Variants in TRIT1 observed in about 807,000 individuals in gnomAD.
TRIT1 encodes tRNA dimethylallyltransferase.
A neutral mutation model predicts 51.2 loss-of-function variants in TRIT1; 43 were observed. That is an observed-to-expected ratio of 0.84 (90% CI 0.66 to 1.08). The LOEUF is 1.08. TRIT1 is among the 50% of genes least tolerant of loss of function. TRIT1 has a pLI of 0.00. For synonymous variants in TRIT1, 184 were observed against 203.9 expected (o/e 0.90, Z 0.83); for missense variants, 528 against 578.4 (o/e 0.91, Z 0.89).
At position 39,848,079 on chromosome 1, in the gene TRIT1, T is replaced by A; in HGVS notation, c.722A>T (p.Asp241Val). Reference protein sequence around the residue: ...ADQAVLDERLDKRVDDMLAAG... With the variant: ...ADQAVLDERLVKRVDDMLAAG... ...AGCAAGCATGTCATCCACCCTCTTA[T>A]CCAAGCGCTCATCTAGAACTTGAAT... Residue 241 changes from aspartate (D) to valine (V), a missense_variant, in exon 6 of 11, where the codon GAT becomes GTT. Transcript: ENST00000316891. 1 of 1,614,130 alleles carries A rather than the reference T, an allele frequency of 6.2e-7. No homozygotes were observed. Among genetic ancestry groups the A allele is most frequent in the South Asian group, 1.1e-5 (1 of 91,086 alleles).
chr1:39,874,945 G>A (rs911287870), intron 1 of TRIT1, among the ~76,000 whole-genome samples: 3 of 151,848 alleles, frequency 2.0e-5, no homozygotes, highest in Non-Finnish European at 2.9e-5. Context: ...TGGAATTATA[G>A]GCGTGAGCCA....
intron 4 of TRIT1, among the ~76,000 whole-genome samples, chr1:39,851,623 G>A (rs1014535136): frequency 5.3e-5 from 8 of 152,034 alleles, no homozygotes; most frequent in South Asian, 2.1e-4. Context: ...CCCCCCTGCC[G>A]TGCAAAGGAC....
chr1:39,846,140 G>C (rs1642209371), intron 8 of TRIT1, among the ~76,000 whole-genome samples: 1 of 152,232 alleles, frequency 6.6e-6, no homozygotes, highest in African/African-American at 2.4e-5. Flanking sequence ...GAGAAAACAG[G>C]ATAAGTAGAG....
In TRIT1 at chr1:39,876,560, A is replaced by ATCTATCTATC. The variant is rs1557585424; in HGVS notation, c.174+6757_174+6758insGATAGATAGA. Among the ~76,000 whole-genome samples, 31 of 117,948 alleles carry ATCTATCTATC rather than the reference A, an allele frequency of 2.6e-4. 1 individual carries two copies. Among genetic ancestry groups the ATCTATCTATC allele is most frequent in the South Asian group, 1.2e-3 (4 of 3,442 alleles). 77.4% of individuals were successfully genotyped at this position (117,948 alleles called of 152,430 possible). ...TCTATCTATCTATCTATCTATCTAT[A>ATCTATCTATC]TATATATATGAATGATGAGTCGAAA... is the stretch of plus-strand genomic sequence containing the variant. On this transcript the variant is annotated intron_variant, in intron 1 of 10. Transcript: ENST00000316891.
Position 39,847,278 on chromosome 1 carries a change from T to C in TRIT1, c.948A>G (p.Gln316=), listed in dbSNP as rs778135294. The C allele has an allele frequency of 5.6e-6, 9 of 1,614,090 alleles. No homozygotes were observed. The highest frequency in any genetic ancestry group is 3.3e-5 in the South Asian group (3 of 91,090). The change falls in exon 8 of 11, where the codon CAA becomes CAG. Residue 316 remains glutamine (Q), a synonymous_variant. Transcript: ENST00000316891. ...GTTTCCGGGCATATCTCTTAGTTAC[T>C]TGTTTCAGAGCCTCAATACCTGAAA... ...LLKKGIEALK[Q]VTKRYARKQN... is the part of the protein sequence containing the mutation.
intron 2 of TRIT1, 83 bp downstream of exon 2, chr1:39,857,192 GAA>G: frequency 3.4e-6 from 5 of 1,482,346 alleles, no homozygotes; most frequent in Non-Finnish European, 3.6e-6. Context: ...CTTCTGAGAA[GAA>G]ATTGCCACTA....
chr1:39,858,492 T>G (rs575547336), intron 1 of TRIT1, among the ~76,000 whole-genome samples: 1 of 152,354 alleles, frequency 6.6e-6, no homozygotes, highest in South Asian at 2.1e-4. Context: ...AATGAGTTAC[T>G]ACTAAAAAGC....
chr1:39,871,908 A>T (rs56342108), intron 1 of TRIT1, among the ~76,000 whole-genome samples: 24,770 of 152,036 alleles, frequency 0.16, 2,271 homozygotes, highest in Non-Finnish European at 0.22. Context: ...AAAAATTTTT[A>T]AAAATGTTTT....
intron 1 of TRIT1, among the ~76,000 whole-genome samples, chr1:39,878,767 T>A (rs1362787291): frequency 1.3e-5 from 2 of 152,218 alleles, no homozygotes; most frequent in Non-Finnish European, 2.9e-5. Flanking sequence ...CTGTCTTTGA[T>A]ACGAACTTGA....
At chr1:39,846,905 C>T (rs1376447148) in intron 8 of TRIT1, 2 of 233,144 alleles carry the variant, frequency 8.6e-6, no homozygotes, top group African/African-American at 2.3e-5. Flanking sequence ...TCTTCAGGTA[C>T]AAAACTGAAG....
At chr1:39,874,729 G>T (rs1643992399) in intron 1 of TRIT1, among the ~76,000 whole-genome samples, 1 of 151,516 alleles carries the variant, frequency 6.6e-6, no homozygotes, top group African/African-American at 2.4e-5. Flanking sequence ...GCAATGGCGT[G>T]ATCTCGGCTC....
In TRIT1 at chr1:39,862,553, T is replaced by A. The variant is rs375338658; in HGVS notation, c.175-5136A>T. Among the ~76,000 whole-genome samples the A allele has an allele frequency of 8.5e-5, 13 of 152,354 alleles. No individual in the cohort carries two copies. In the East Asian group the frequency reaches 2.1e-3, roughly 25 times the overall value. ...TGTGTTTTTATGGGTATCCTTTATT[T>A]ATCAAATAAAATCATACTGCACAGT... On this transcript the variant is annotated intron_variant, in intron 1 of 10. Transcript: ENST00000316891.
intron 5 of TRIT1, 26 bp downstream of exon 5, chr1:39,850,093 A>C: frequency 6.2e-7 from 1 of 1,613,126 alleles, no homozygotes; most frequent in South Asian, 1.1e-5. Context: ...TCACAGATGG[A>C]CTCTAGGGCA....
intron 1 of TRIT1, among the ~76,000 whole-genome samples, chr1:39,880,865 T>C (rs753137248): frequency 2.6e-5 from 4 of 151,470 alleles, no homozygotes; most frequent in Non-Finnish European, 4.4e-5. Context: ...TAACGAGACA[T>C]AATAGCTACT....
rs2124561980 is a variant in TRIT1, at chr1:39,839,239, T to C, written c.*2505A>G. On this transcript the variant is annotated 3_prime_UTR_variant, in exon 11 of 11. Coordinates refer to ENST00000316891, the MANE Select transcript of TRIT1 (RefSeq NM_017646.6). Reference sequence around the variant, plus strand: ...ATTGCTATGGCCAGATGGTACAAAATGGCATTCCTCATTCTCACTCCAGGC... The same window carrying C: ...ATTGCTATGGCCAGATGGTACAAAACGGCATTCCTCATTCTCACTCCAGGC... Among the ~76,000 whole-genome samples the C allele has an allele frequency of 6.6e-6, 1 of 152,288 alleles. No homozygotes were observed. Among genetic ancestry groups the C allele is most frequent in the Non-Finnish European group, 1.5e-5 (1 of 68,026 alleles).
chr1:39,872,686 AC>A lies in TRIT1; in HGVS notation c.174+10631del, dbSNP rs540405023. Among the ~76,000 whole-genome samples the A allele has an allele frequency of 4.3e-3, 649 of 152,024 alleles. 3 individuals carry two copies. The highest frequency in any genetic ancestry group is 7.3e-3 in the Non-Finnish European group (494 of 68,016). ...TATATATAGATTAATATACATACAT[AC>A]ATTTCCTAGCTCTTTCCACTGAAAG... On this transcript the variant is annotated intron_variant, in intron 1 of 10. Coordinates refer to ENST00000316891, the MANE Select transcript of TRIT1 (RefSeq NM_017646.6).
chr1:39,867,085 T>C (rs1355855947), intron 1 of TRIT1, among the ~76,000 whole-genome samples: 1 of 152,252 alleles, frequency 6.6e-6, no homozygotes, highest in East Asian at 1.9e-4. Flanking sequence ...TGGCTTTTAT[T>C]CTTTCCTACG....
intron 1 of TRIT1, 94 bp from the exon 2 acceptor site, chr1:39,857,511 C>A: frequency 1.4e-6 from 2 of 1,422,930 alleles, no homozygotes; most frequent in South Asian, 1.3e-5. Context: ...CTCCCTCCTG[C>A]CAAACACTTC....
At position 39,840,131 on chromosome 1, in the gene TRIT1, C is replaced by A. The variant is rs755567910; in HGVS notation, c.*1613G>T. Among the ~76,000 whole-genome samples the A allele has an allele frequency of 6.6e-6, 1 of 152,126 alleles. No individual in the cohort carries two copies. Among genetic ancestry groups the A allele is most frequent in the Non-Finnish European group, 1.5e-5 (1 of 68,028 alleles). ...TGTGTGAGAAGATAACATATAAAAACGACTTGGCACTGCTTGGCTCACAGT... is the reference window on the plus strand; with the variant it reads ...TGTGTGAGAAGATAACATATAAAAAAGACTTGGCACTGCTTGGCTCACAGT... On this transcript the variant is annotated 3_prime_UTR_variant, in exon 11 of 11. Coordinates refer to ENST00000316891, the MANE Select transcript of TRIT1 (RefSeq NM_017646.6).
Sources: allele counts gnomAD v4.1 joint callset (sites outside exome capture counted in the v4.1 genomes callset), GRCh38; gene constraint gnomAD v4.1.1; transcripts MANE v1.5; gene names NCBI Gene and HGNC (gene_info 2026-07-23, HGNC 2026-07-21).